FSTL4: variants seen among roughly 807,000 people sequenced by gnomAD.
The protein encoded by FSTL4 is follistatin like 4, also known as follistatin-related protein 4.
In FSTL4, 28 loss-of-function variants were observed where a neutral mutation model predicts 78.2. The observed-to-expected ratio is 0.36, with a 90% confidence interval of 0.27 to 0.49. The LOEUF (loss-of-function observed/expected upper bound fraction) is 0.49. Ranked by LOEUF, FSTL4 falls within the 20% of genes least tolerant of loss-of-function variation. The probability of loss-of-function intolerance (pLI) is 0.98; values close to 1 mark genes in which losing one functional copy is unlikely to be tolerated. For missense variants in FSTL4, 922 were observed against 1,084.9 expected, an observed-to-expected ratio of 0.85 and a Z score of 2.11; for synonymous variants, 422 against 440.5, an observed-to-expected ratio of 0.96 and a Z score of 0.53.
intron 4 of FSTL4, among the ~76,000 whole-genome samples, chr5:133,396,721 A>C (rs867779941): frequency 6.6e-6 from 1 of 152,186 alleles, no homozygotes; most frequent in Admixed American, 6.5e-5. Context: ...CAACAAAATA[A>C]CAAGAAGAAG....
At chr5:133,753,683 C>CTG in the FSTL4 span, among the ~76,000 whole-genome samples, 630 of 120,662 alleles carry the variant, frequency 5.2e-3, 4 homozygotes, top group East Asian at 7.7e-3. Context: ...CACATTTGTT[C>CTG]TGTGTGTGTG....
In FSTL4 at chr5:133,228,068, C is replaced by T. The variant is rs1751387009; in HGVS notation, c.1016-2249G>A. Reference sequence around the variant, plus strand: ...ATGGCAAAACCCCACCTCTATCAAACATACAAACATTAGCCGGGTGTGGTG... The same window carrying T: ...ATGGCAAAACCCCACCTCTATCAAATATACAAACATTAGCCGGGTGTGGTG... On this transcript the variant is annotated intron_variant, in intron 8 of 15. Transcript: ENST00000265342. Among the ~76,000 whole-genome samples, 3 of 152,074 alleles carry T rather than the reference C, an allele frequency of 2.0e-5. No individual in the cohort carries two copies. In the South Asian group the frequency reaches 6.2e-4, roughly 32 times the overall value.
chr5:133,581,934 G>A (rs1760420596), intron 2 of FSTL4, among the ~76,000 whole-genome samples: 1 of 152,246 alleles, frequency 6.6e-6, no homozygotes, highest in Non-Finnish European at 1.5e-5. Flanking sequence ...AACCTCTGCA[G>A]GTGCCAGTGG....
At chr5:133,463,058 TTTGACCATC>T (rs1757629287) in intron 3 of FSTL4, among the ~76,000 whole-genome samples, 2 of 152,280 alleles carry the variant, frequency 1.3e-5, no homozygotes, top group South Asian at 2.1e-4. Flanking sequence ...GTCTCAGGGA[TTTGACCATC>T]TTTACTATGC....
At chr5:133,741,833 G>A in the FSTL4 span, among the ~76,000 whole-genome samples, 2 of 152,174 alleles carry the variant, frequency 1.3e-5, no homozygotes, top group Non-Finnish European at 2.9e-5. Context: ...TCTCATGACC[G>A]AGGGCAGTGT....
intron 3 of FSTL4, among the ~76,000 whole-genome samples, chr5:133,488,969 G>A (rs894350559): frequency 1.3e-5 from 2 of 152,212 alleles, no homozygotes; most frequent in South Asian, 4.1e-4. Context: ...AGGCCATCTT[G>A]TCAACCCCCC....
At chr5:133,240,374 T>G (rs1175882127) in intron 7 of FSTL4, among the ~76,000 whole-genome samples, 1 of 152,168 alleles carries the variant, frequency 6.6e-6, no homozygotes, top group Non-Finnish European at 1.5e-5. Context: ...GAAAAAGAAG[T>G]CTCTGCAACT....
chr5:133,838,868 G>A, the FSTL4 span, among the ~76,000 whole-genome samples: 1 of 152,200 alleles, frequency 6.6e-6, no homozygotes, highest in East Asian at 1.9e-4. Context: ...CTCAGTGCAG[G>A]TGAGTCAATG....
At chr5:133,761,499 A>C in the FSTL4 span, among the ~76,000 whole-genome samples, 9 of 152,328 alleles carry the variant, frequency 5.9e-5, no homozygotes, top group Non-Finnish European at 1.3e-4. Context: ...TTGAAGTCTA[A>C]TTCAAGCCCC....
intron 3 of FSTL4, among the ~76,000 whole-genome samples, chr5:133,434,270 T>C (rs1312019959): frequency 3.3e-5 from 5 of 152,124 alleles, no homozygotes; most frequent in African/African-American, 1.2e-4. Context: ...TGTGGGGGAA[T>C]GTTATAAAAT....
the FSTL4 span, among the ~76,000 whole-genome samples, chr5:133,774,351 T>C: frequency 2.0e-5 from 3 of 152,176 alleles, no homozygotes; most frequent in East Asian, 5.8e-4. Flanking sequence ...CATTTGGCAA[T>C]GTCTGAAGAC....
At chr5:133,427,636 C>T (rs558620262) in intron 3 of FSTL4, 2 of 530,260 alleles carry the variant, frequency 3.8e-6, no homozygotes, top group African/African-American at 1.9e-5. Context: ...TCCTGGACTC[C>T]ACACCCAGTG....
chr5:133,404,620 T>C (rs553097152), intron 3 of FSTL4, among the ~76,000 whole-genome samples: 43 of 152,198 alleles, frequency 2.8e-4, no homozygotes, highest in Middle Eastern at 3.4e-3. Context: ...TGAATAAGGA[T>C]TTTCAATAAG....
intron 3 of FSTL4, among the ~76,000 whole-genome samples, chr5:133,538,953 T>G (rs1759411982): frequency 6.6e-6 from 1 of 152,158 alleles, no homozygotes; most frequent in Non-Finnish European, 1.5e-5. Flanking sequence ...CATCTCCACG[T>G]GGTCTCTACA....
chr5:133,261,283 G>A (rs1351535824), intron 6 of FSTL4, among the ~76,000 whole-genome samples: 1 of 152,114 alleles, frequency 6.6e-6, no homozygotes, highest in Non-Finnish European at 1.5e-5. Context: ...CTTGATGCCC[G>A]TCGGGGTTAC....
At chr5:133,807,229 A>G in the FSTL4 span, among the ~76,000 whole-genome samples, 3 of 152,280 alleles carry the variant, frequency 2.0e-5, no homozygotes, top group South Asian at 6.2e-4. Flanking sequence ...ATATTTACTT[A>G]CTGTAGCTAA....
chr5:133,230,294 G>A (rs1254752856), intron 8 of FSTL4, among the ~76,000 whole-genome samples: 1 of 152,154 alleles, frequency 6.6e-6, no homozygotes, highest in Non-Finnish European at 1.5e-5. Context: ...GATCTGAGAT[G>A]GGGCTGGAGG....
intron 3 of FSTL4, among the ~76,000 whole-genome samples, chr5:133,429,745 T>C (rs1324060090): frequency 2.0e-5 from 3 of 152,112 alleles, no homozygotes; most frequent in Non-Finnish European, 4.4e-5. Flanking sequence ...CAGAGCACGG[T>C]AAGTTTAGGA....
intron 6 of FSTL4, among the ~76,000 whole-genome samples, chr5:133,309,928 G>C (rs781297314): frequency 2.0e-5 from 3 of 152,208 alleles, no homozygotes; most frequent in Non-Finnish European, 4.4e-5. Flanking sequence ...GAATGTTGTT[G>C]CTGAAATGTT....
Sources: allele counts gnomAD v4.1 joint callset (sites outside exome capture counted in the v4.1 genomes callset), GRCh38; gene constraint gnomAD v4.1.1; transcripts MANE v1.5; gene names NCBI Gene and HGNC (gene_info 2026-07-23, HGNC 2026-07-21).